Variants in ADAMTSL1 observed in about 807,000 individuals in gnomAD.
ADAMTSL1 encodes ADAMTS like 1, also known as ADAMTS-like protein 1.
In ADAMTSL1, 126 loss-of-function variants were observed where a neutral mutation model predicts 201.8. That is an observed-to-expected ratio of 0.62 (90% CI 0.54 to 0.72). ADAMTSL1 has a LOEUF of 0.72. Among genes scored for constraint, ADAMTSL1 ranks in the 30% least tolerant of loss-of-function variants. ADAMTSL1 has a pLI of 0.00. For synonymous variants in ADAMTSL1, 1,121 were observed against 903.4 expected (o/e 1.24, Z -4.32); for missense variants, 2,679 against 2,277.8 (o/e 1.18, Z -3.59).
rs1017202386 is a variant in ADAMTSL1 at position 18,910,424 on chromosome 9, G to C, written c.*1876G>C. The C allele has an allele frequency of 4.0e-5, 6 of 148,212 alleles. No individual in the cohort carries two copies. The highest frequency in any genetic ancestry group is 9.0e-5 in the Non-Finnish European group (6 of 66,864). 9.2% of individuals were successfully genotyped at this position (148,212 alleles called of 1,614,324 possible). A position where few individuals can be genotyped will look rare whatever the true frequency, so the allele number is the denominator to read the frequency against. ...TTATTAACTAACTTCCTGCAGTTGT[G>C]TTCCTGTAAACTCAGTAGTGATTAT... On this transcript the variant is annotated 3_prime_UTR_variant, in exon 29 of 29. Coordinates refer to ENST00000380548, the MANE Select transcript of ADAMTSL1 (RefSeq NM_001040272.6).
intron 23 of ADAMTSL1, among the ~76,000 whole-genome samples, chr9:18,852,302 GA>G: frequency 1.3e-5 from 2 of 152,304 alleles, no homozygotes; most frequent in Middle Eastern, 3.4e-3. Flanking sequence ...CAGGGTTTTT[GA>G]AAGGAATAAA....
chr9:18,834,302 A>G (rs1825178883), intron 23 of ADAMTSL1, among the ~76,000 whole-genome samples: 1 of 152,140 alleles, frequency 6.6e-6, no homozygotes, highest in African/African-American at 2.4e-5. Context: ...AACAATGTTG[A>G]TTCTTCTTAT....
chr9:18,512,780 A>T (rs568172059), intron 2 of ADAMTSL1, among the ~76,000 whole-genome samples: 1 of 152,160 alleles, frequency 6.6e-6, no homozygotes, highest in African/African-American at 2.4e-5. Context: ...TTTATATATT[A>T]ATGCTTTCTT....
chr9:18,287,501 T>C (rs1833042116), intron 2 of ADAMTSL1, among the ~76,000 whole-genome samples: 1 of 151,610 alleles, frequency 6.6e-6, no homozygotes, highest in African/African-American at 2.4e-5. Flanking sequence ...CATGTATTTA[T>C]ATGTGCACAT....
chr9:18,071,321 G>C lies in ADAMTSL1; in HGVS notation c.88-92541G>C, dbSNP rs115908832. The stretch of plus-strand genomic sequence containing the variant: ...TATCTATGGGAGTGCTTTAGAATTT[G>C]TCCAGAACACCAAAAATAAGTGTGT... On this transcript the variant is annotated intron_variant, in intron 1 of 29. Coordinates refer to the ADAMTSL1 transcript ENST00000680146. 3.4e-3 allele frequency among the ~76,000 whole-genome samples: 521 copies of C among 152,286 alleles called. 3 individuals carry two copies. Among genetic ancestry groups the C allele is most frequent in the African/African-American group, 0.012 (485 of 41,566 alleles).
chr9:18,702,662 C>T (rs1440694618), intron 13 of ADAMTSL1, among the ~76,000 whole-genome samples: 1 of 152,234 alleles, frequency 6.6e-6, no homozygotes. Flanking sequence ...AGACTAAATA[C>T]AGAATTCATA....
chr9:18,698,208 T>C (rs1222085668), intron 13 of ADAMTSL1, among the ~76,000 whole-genome samples: 1 of 152,180 alleles, frequency 6.6e-6, no homozygotes, highest in Non-Finnish European at 1.5e-5. Flanking sequence ...TGTACACTGA[T>C]GGTATTTGAA....
At chr9:18,276,222 G>T (rs1832583162) in intron 2 of ADAMTSL1, among the ~76,000 whole-genome samples, 1 of 151,880 alleles carries the variant, frequency 6.6e-6, no homozygotes, top group East Asian at 1.9e-4. Flanking sequence ...AAGTTGAACG[G>T]CTTCATTAAA....
intron 1 of ADAMTSL1, among the ~76,000 whole-genome samples, chr9:17,994,705 C>G (rs1478128109): frequency 6.6e-6 from 1 of 152,146 alleles, no homozygotes; most frequent in East Asian, 1.9e-4. Flanking sequence ...AATTTAGGAT[C>G]AAGGTTCAGA....
chr9:18,442,479 C>A (rs1017761207), intron 2 of ADAMTSL1, among the ~76,000 whole-genome samples: 8 of 152,122 alleles, frequency 5.3e-5, no homozygotes, highest in African/African-American at 1.9e-4. Context: ...GAGGCACTGG[C>A]TTTTCAAATG....
At chr9:18,894,273 G>T (rs1397455170) in intron 26 of ADAMTSL1, among the ~76,000 whole-genome samples, 1 of 151,996 alleles carries the variant, frequency 6.6e-6, no homozygotes, top group Admixed American at 6.5e-5. Flanking sequence ...TCACTTAAGA[G>T]GTTGAAGCTG....
At chr9:18,491,752 C>T (rs924272305) in intron 1 of ADAMTSL1, among the ~76,000 whole-genome samples, 1 of 152,142 alleles carries the variant, frequency 6.6e-6, no homozygotes, top group African/African-American at 2.4e-5. Flanking sequence ...GTAAATATTT[C>T]TGTTGACTGG....
intron 3 of ADAMTSL1, among the ~76,000 whole-genome samples, chr9:18,557,009 A>G (rs1821147885): frequency 6.6e-6 from 1 of 151,962 alleles, no homozygotes; most frequent in Non-Finnish European, 1.5e-5. Context: ...ATTCTGATCT[A>G]GAAGTTGGAA....
chr9:17,947,930 C>T (rs1827576335), intron 1 of ADAMTSL1, among the ~76,000 whole-genome samples: 1 of 152,178 alleles, frequency 6.6e-6, no homozygotes, highest in Admixed American at 6.5e-5. Context: ...CAGGCACCAT[C>T]TTCCAAAAAC....
At chr9:17,907,121 C>A (rs538504625) in intron 1 of ADAMTSL1, among the ~76,000 whole-genome samples, 1 of 152,302 alleles carries the variant, frequency 6.6e-6, no homozygotes, top group Admixed American at 6.5e-5. Flanking sequence ...TCGATCTCTG[C>A]GTTTAGGCTT....
At chr9:18,166,438 T>C (rs1371245723) in intron 2 of ADAMTSL1, among the ~76,000 whole-genome samples, 1 of 151,938 alleles carries the variant, frequency 6.6e-6, no homozygotes, top group African/African-American at 2.4e-5. Context: ...TCCTTCTAAA[T>C]GCAAAGCATT....
At chr9:18,378,699 T>TAG (rs1211940133) in intron 2 of ADAMTSL1, among the ~76,000 whole-genome samples, 1 of 152,212 alleles carries the variant, frequency 6.6e-6, no homozygotes, top group Non-Finnish European at 1.5e-5. Context: ...ATGCCCACTT[T>TAG]AGATCCTTAC....
chr9:18,316,433 G>A (rs1341452830), intron 2 of ADAMTSL1, among the ~76,000 whole-genome samples: 6 of 152,048 alleles, frequency 3.9e-5, no homozygotes, highest in Non-Finnish European at 7.4e-5. Context: ...TGGGGGGGCC[G>A]TTTATAGGCC....
At chr9:18,058,952 C>T (rs1030938752) in intron 1 of ADAMTSL1, among the ~76,000 whole-genome samples, 1 of 152,180 alleles carries the variant, frequency 6.6e-6, no homozygotes, top group Non-Finnish European at 1.5e-5. Context: ...ATGGATATTC[C>T]TGTCTTTTAG....
Sources: gnomAD v4.1 joint callset for allele counts (sites outside exome capture counted in the v4.1 genomes callset) on GRCh38, gnomAD v4.1.1 for gene constraint, MANE v1.5 for transcripts, NCBI Gene and HGNC (gene_info 2026-07-23, HGNC 2026-07-21) for gene names.